POLM: variants seen among roughly 807,000 people sequenced by gnomAD.
POLM encodes the protein DNA-directed DNA/RNA polymerase mu.
In POLM, 52 loss-of-function variants were observed where a neutral mutation model predicts 56.7. The observed-to-expected ratio is 0.92, with a 90% CI of 0.73 to 1.15. The LOEUF is 1.15. Ranked by LOEUF, POLM falls within the 50% of genes most tolerant of loss-of-function variation. The pLI is 0.00. For synonymous variants in POLM, 273 were observed against 274.3 expected, an observed-to-expected ratio of 1.00 and a Z score of 0.05; for missense variants, 660 against 663.6, an observed-to-expected ratio of 0.99 and a Z score of 0.06.
At chr7:44,079,385 A>G (rs539614002) in intron 4 of POLM, among the ~76,000 whole-genome samples, 186 bp downstream of exon 4, 93 of 152,246 alleles carry the variant, frequency 6.1e-4, no homozygotes, top group African/African-American at 2.1e-3. Flanking sequence ...TAGGCCACCC[A>G]GGAGTAAATG....
chr7:44,081,679 T>C (rs941498346), intron 1 of POLM, among the ~76,000 whole-genome samples: 1 of 151,926 alleles, frequency 6.6e-6, no homozygotes, highest in African/African-American at 2.4e-5. Flanking sequence ...TCCGGGCCTC[T>C]TGAGAAGTCA....
chr7:44,079,481 C>T (rs1586023721), intron 4 of POLM, 90 bp downstream of exon 4: 2 of 1,284,098 alleles, frequency 1.6e-6, no homozygotes, highest in East Asian at 4.8e-5. Flanking sequence ...TGTCTGTCCT[C>T]ACCCACCCCC....
In POLM at chr7:44,079,603, G is replaced by A; in HGVS notation, c.610C>T (p.His204Tyr). Residue 204 changes from histidine (H) to tyrosine (Y), a missense_variant, in exon 4 of 11, where the codon CAC becomes TAC. Transcript: ENST00000242248. ...ACCCTAGAGGAGTGTTCTCCAAAGT[G>A]GGGAAGCCCCTGCAGCTGGCTCAGG... ...TTLSQLQGLP[H>Y]FGEHSSRVVQ... 6.2e-7 allele frequency: 1 copy of A among 1,612,810 alleles called. No individual in the cohort carries two copies. The highest frequency in any genetic ancestry group is 8.5e-7 in the Non-Finnish European group (1 of 1,179,284).
At position 44,074,467 on chromosome 7, in the gene POLM, T is replaced by C; in HGVS notation, c.899A>G (p.Gln300Arg). 1 of 1,592,902 alleles carries C rather than the reference T, an allele frequency of 6.3e-7. No individual in the cohort carries two copies. The highest frequency in any genetic ancestry group is 8.5e-7 in the Non-Finnish European group (1 of 1,170,304). Residue 300 changes from glutamine (Q) to arginine (R), a missense_variant, in exon 7 of 11, where the codon CAG (glutamine) becomes CGG (arginine). Transcript: ENST00000242248. Reference protein sequence around the residue: ...VLRSDVDALQQVVEEAVGQAL... With the variant: ...VLRSDVDALQRVVEEAVGQAL... ...CTGCCCCACAGCTTCCTCCACCACC[T>C]GCTGCAGGGCATCTACATCGGACCG...
At chr7:44,080,622 C>G in intron 2 of POLM, 111 bp downstream of exon 2, 1 of 1,182,004 alleles carries the variant, frequency 8.5e-7, no homozygotes, top group Non-Finnish European at 1.2e-6. Flanking sequence ...CACTGCCCAC[C>G]TCCTCTGAAG....
chr7:44,079,791 C>A, intron 3 of POLM, 50 bp from the exon 4 acceptor site: 3 of 1,610,100 alleles, frequency 1.9e-6, no homozygotes. Context: ...CTCCAATCCC[C>A]CACCTACCAC....
At position 44,074,060 on chromosome 7, in the gene POLM, G is replaced by T. The variant is rs549657252; in HGVS notation, c.1072-35C>A. On this transcript the variant is annotated intron_variant, in intron 8 of 10. Transcript: ENST00000242248. Reference sequence around the variant, plus strand: ...GAGGCGGGCGTGGCTGAGACCATCCGGTGGTGTGGAGAGAGCAGGAGGCAG... The same window carrying T: ...GAGGCGGGCGTGGCTGAGACCATCCTGTGGTGTGGAGAGAGCAGGAGGCAG... 13 of 1,609,306 alleles carry T rather than the reference G, an allele frequency of 8.1e-6. No individual in the cohort carries two copies. In the African/African-American group the frequency reaches 1.6e-4, roughly 20 times the overall value.
At chr7:44,080,125 C>T (rs922091544) in intron 2 of POLM, among the ~76,000 whole-genome samples, 166 bp from the exon 3 acceptor site, 5 of 152,324 alleles carry the variant, frequency 3.3e-5, no homozygotes, top group Admixed American at 2.0e-4. Context: ...AGGGAGGCAC[C>T]GCCCTGCAGA....
At chr7:44,080,339 C>G (rs2128803496) in intron 2 of POLM, 2 of 541,692 alleles carry the variant, frequency 3.7e-6, no homozygotes, top group African/African-American at 1.9e-5. Context: ...GATTTGAAGG[C>G]AGGCAACCTG....
chr7:44,072,750 A>C lies in POLM; in HGVS notation c.*541T>G, dbSNP rs2096171915. ...GAAAATTATCTTCCTCCCAGCTCCT[A>C]CCCAGGCCCTCTCCCTCTCCAGATG... is the stretch of plus-strand genomic sequence containing the variant. On this transcript the variant is annotated 3_prime_UTR_variant, in exon 11 of 11. Coordinates refer to ENST00000242248, the MANE Select transcript of POLM (RefSeq NM_013284.4). 1 of 251,802 alleles carries C rather than the reference A, an allele frequency of 4.0e-6. No homozygotes were observed. The allele number at this position is 251,802 out of a possible 1,614,324, so 15.6% of individuals were successfully genotyped here.
Position 44,082,347 on chromosome 7 carries a change from G to C in POLM, c.92C>G (p.Ala31Gly). The change falls in exon 1 of 11, where the codon GCC (alanine) becomes GGC (glycine). Residue 31 changes from alanine (A) to glycine (G), a missense_variant. Physicochemically the swap from Ala to Gly is moderately conservative, Grantham distance 60. Transcript: ENST00000242248. Reference sequence around the variant, plus strand: ...CATGCGAGGCTCGACCAGGTAGATGGCGACTCCCGGGAAGCGCGTCGAGGG... The same window carrying C: ...CATGCGAGGCTCGACCAGGTAGATGCCGACTCCCGGGAAGCGCGTCGAGGG... ...TPPSTRFPGV[A>G]IYLVEPRMGR... The C allele has an allele frequency of 6.4e-7, 1 of 1,559,566 alleles. No homozygotes were observed.
intron 6 of POLM, among the ~76,000 whole-genome samples, chr7:44,074,804 G>A (rs889148392): frequency 3.3e-5 from 5 of 152,196 alleles, no homozygotes; most frequent in African/African-American, 1.2e-4. Context: ...GATCCCATGT[G>A]CCTTTTACCC....
chr7:44,074,967 A>G (rs1225431353), intron 6 of POLM, among the ~76,000 whole-genome samples: 5 of 152,234 alleles, frequency 3.3e-5, no homozygotes, highest in Admixed American at 1.3e-4. Flanking sequence ...AAAAGGATGG[A>G]AGATGGCTTT....
chr7:44,079,287 G>A (rs2096192646), intron 4 of POLM, among the ~76,000 whole-genome samples: 1 of 152,196 alleles, frequency 6.6e-6, no homozygotes, highest in African/African-American at 2.4e-5. Flanking sequence ...TCATTCCACT[G>A]TGGAGGGCAG....
chr7:44,082,115 T>C (rs2096201794), intron 1 of POLM, 136 bp downstream of exon 1: 7 of 742,108 alleles, frequency 9.4e-6, no homozygotes, highest in Non-Finnish European at 1.4e-5. Context: ...CGCCTCGCCC[T>C]AATTAATAGC....
rs201857877 is a variant in POLM at position 44,073,296 on chromosome 7, C to A, written c.1480G>T (p.Ala494Ser). Residue 494 changes from alanine to serine, a missense_variant, in exon 11 of 11, where the codon GCC becomes TCC. Ala to Ser is a moderately conservative substitution (Grantham distance 99). Coordinates refer to ENST00000242248, the MANE Select transcript of POLM (RefSeq NM_013284.4). ...LEYLPPEQRN[A>S] ...AGTGGGGGACACAGGCAGGCTCAGG[C>A]GTTTCTCTGCTCTGGAGGAAGGTAC... 6.2e-7 allele frequency: 1 copy of A among 1,614,184 alleles called. No individual in the cohort carries two copies. The highest frequency in any genetic ancestry group is 1.1e-5 in the South Asian group (1 of 91,086).
intron 4 of POLM, among the ~76,000 whole-genome samples, chr7:44,079,288 T>C (rs2096192653): frequency 6.6e-6 from 1 of 152,210 alleles, no homozygotes; most frequent in South Asian, 2.1e-4. Context: ...CATTCCACTG[T>C]GGAGGGCAGT....
At chr7:44,076,414 C>G (rs924141169) in intron 6 of POLM, 95 bp downstream of exon 6, 7 of 1,525,448 alleles carry the variant, frequency 4.6e-6, no homozygotes. Flanking sequence ...AAACCCTCTG[C>G]ACCAGACTGC....
chr7:44,081,282 G>A (rs1049230684), intron 1 of POLM, among the ~76,000 whole-genome samples: 1 of 152,216 alleles, frequency 6.6e-6, no homozygotes, highest in Non-Finnish European at 1.5e-5. Flanking sequence ...CCCCAGCTCT[G>A]CCTGCCACAT....
Sources: allele counts gnomAD v4.1 joint callset (sites outside exome capture counted in the v4.1 genomes callset), GRCh38; gene constraint gnomAD v4.1.1; transcripts MANE v1.5; gene names NCBI Gene and HGNC (gene_info 2026-07-23, HGNC 2026-07-21).